The following PWWP3B variants were observed in gnomAD, a reference collection of about 807,000 sequenced individuals.
The protein encoded by PWWP3B is PWWP domain-containing DNA repair factor 3B.
Under a neutral mutation model 15.7 loss-of-function variants are expected in PWWP3B, and 5 were observed. The ratio of observed to expected loss-of-function variants is 0.32; its 90% CI spans 0.17 to 0.67. PWWP3B has a LOEUF of 0.67. PWWP3B is among the 30% of genes least tolerant of loss of function. The pLI is 0.74. For synonymous variants in PWWP3B, 203 were observed against 179.8 expected, an observed-to-expected ratio of 1.13 and a Z score of -1.03; for missense variants, 519 against 493.1, an observed-to-expected ratio of 1.05 and a Z score of -0.50.
chrX:106,192,317 G>C, intron 2 of PWWP3B, among the ~76,000 whole-genome samples: 1 of 111,895 alleles, frequency 8.9e-6, no homozygotes, highest in Non-Finnish European at 1.9e-5. Context: ...AGATTTTCTA[G>C]TTTATTTGCA....
At chrX:106,176,784 A>G (rs1921923163) in intron 2 of PWWP3B, among the ~76,000 whole-genome samples, 2 of 112,117 alleles carry the variant, frequency 1.8e-5, no homozygotes, top group South Asian at 3.7e-4. Flanking sequence ...ACTTTAGTTG[A>G]AAAAAACGAT....
chrX:106,194,854 C>T lies in PWWP3B; in HGVS notation c.-400-9131C>T, dbSNP rs188286181. Among the ~76,000 whole-genome samples the T allele has an allele frequency of 2.7e-3, 299 of 111,686 alleles. 4 individuals are homozygous for T. The highest frequency in any genetic ancestry group is 0.027 in the Admixed American group (281 of 10,576). ...ATCAGCAGCGGTGGCTGCAGAACAG[C>T]GGATATTGGTGAACTGCAGATGCTG... On this transcript the variant is annotated intron_variant, in intron 2 of 3. Coordinates refer to ENST00000357175, the MANE Select transcript of PWWP3B (RefSeq NM_001171020.2).
At chrX:106,187,929 AACTGGGT>A (rs932806690) in intron 2 of PWWP3B, among the ~76,000 whole-genome samples, 2 of 111,818 alleles carry the variant, frequency 1.8e-5, no homozygotes, top group African/African-American at 6.5e-5. Context: ...TTCTGCTTTT[AACTGGGT>A]ACATATTCTT....
intron 2 of PWWP3B, among the ~76,000 whole-genome samples, chrX:106,193,240 A>T (rs1923123702): frequency 9.0e-6 from 1 of 111,468 alleles, no homozygotes; most frequent in African/African-American, 3.3e-5. Flanking sequence ...GGGTGCATAT[A>T]TATTTAGGAT....
At chrX:106,195,322 A>G (rs1334233225) in intron 2 of PWWP3B, among the ~76,000 whole-genome samples, 1 of 111,049 alleles carries the variant, frequency 9.0e-6, no homozygotes, top group African/African-American at 3.3e-5. Flanking sequence ...TTTTCTTTTC[A>G]TGTTATTTTT....
chrX:106,169,524 C>T (rs1174252667), intron 1 of PWWP3B, among the ~76,000 whole-genome samples: 1 of 111,344 alleles, frequency 9.0e-6, no homozygotes, highest in Admixed American at 9.6e-5. Context: ...ACACACATTC[C>T]ATTGTCTTTA....
chrX:106,178,924 G>A (rs1339964330), intron 2 of PWWP3B, among the ~76,000 whole-genome samples: 2 of 111,155 alleles, frequency 1.8e-5, no homozygotes, highest in Non-Finnish European at 3.8e-5. Flanking sequence ...CATTTTTTAC[G>A]TAATGCATAA....
rs1232016677 is a variant in PWWP3B at position 106,205,289 on chromosome X, C to T, written c.-144C>T. 1.9e-6 allele frequency: 1 copy of T among 520,998 alleles called. No individual in the cohort carries two copies. The highest frequency in any genetic ancestry group is 2.4e-5 in the African/African-American group (1 of 41,966). 42.9% of individuals were successfully genotyped at this position (520,998 alleles called of 1,213,427 possible). Reference sequence around the variant, plus strand: ...TGGAAAATTGAGGTGGAGAACAGGCCACACAAGCTGTAAACCCTTTGTAGT... The same window carrying T: ...TGGAAAATTGAGGTGGAGAACAGGCTACACAAGCTGTAAACCCTTTGTAGT... On this transcript the variant is annotated 5_prime_UTR_variant, in exon 4 of 4. Transcript: ENST00000357175.
chrX:106,188,426 ATATG>A (rs201844047), intron 2 of PWWP3B, among the ~76,000 whole-genome samples: 2,830 of 111,993 alleles, frequency 0.025, 96 homozygotes, highest in African/African-American at 0.087. Flanking sequence ...CAAAATCCCT[ATATG>A]TATGTATCCG....
intron 2 of PWWP3B, among the ~76,000 whole-genome samples, chrX:106,182,237 GGTA>G (rs1922249976): frequency 8.9e-6 from 1 of 111,779 alleles, no homozygotes; most frequent in Non-Finnish European, 1.9e-5. Context: ...GAGAGTGTGT[GGTA>G]GTAGGATAAT....
intron 2 of PWWP3B, among the ~76,000 whole-genome samples, chrX:106,178,075 C>T (rs1921994914): frequency 8.9e-6 from 1 of 111,790 alleles, no homozygotes; most frequent in Non-Finnish European, 1.9e-5. Context: ...CTCCCATACT[C>T]CCTTGTCTTT....
At position 106,205,841 on chromosome X, in the gene PWWP3B, G is replaced by C; in HGVS notation, c.409G>C (p.Asp137His). ...DSPPHKKYRK[D>H]EGDLPGCLEE... ...ACCCCCTCATAAAAAATACCGGAAG[G>C]ATGAAGGTGACTTACCAGGGTGTCT... is the stretch of plus-strand genomic sequence containing the variant. The change falls in exon 4 of 4, where the codon GAT becomes CAT. Residue 137 changes from aspartate to histidine, a missense_variant. Asp to His is a moderately conservative substitution (Grantham distance 81, BLOSUM62 -1). Transcript: ENST00000357175. 8.3e-7 allele frequency: 1 copy of C among 1,211,503 alleles called. No homozygotes were observed. Among genetic ancestry groups the C allele is most frequent in the South Asian group, 1.8e-5 (1 of 56,946 alleles).
intron 2 of PWWP3B, among the ~76,000 whole-genome samples, chrX:106,186,379 C>T (rs1348779356): frequency 9.0e-6 from 1 of 111,418 alleles, no homozygotes; most frequent in South Asian, 3.8e-4. Context: ...TTAGAGAGCC[C>T]TTTCCCAAAA....
At chrX:106,189,607 A>ATT (rs1478998383) in intron 2 of PWWP3B, among the ~76,000 whole-genome samples, 4 of 87,615 alleles carry the variant, frequency 4.6e-5, no homozygotes, top group African/African-American at 4.2e-5. Context: ...TATGTGCCAC[A>ATT]TTTTCTTTTT....
chrX:106,175,242 T>TC (rs1921830347), intron 2 of PWWP3B, among the ~76,000 whole-genome samples: 1 of 87,836 alleles, frequency 1.1e-5, no homozygotes, highest in Non-Finnish European at 2.3e-5. Context: ...ATTTCTTTTT[T>TC]TTTTTTTTTT....
chrX:106,171,774 A>C (rs1157983490), intron 2 of PWWP3B, among the ~76,000 whole-genome samples: 1 of 110,219 alleles, frequency 9.1e-6, no homozygotes, highest in African/African-American at 3.3e-5. Flanking sequence ...ACTGAATACT[A>C]TAAGCAGTTG....
intron 3 of PWWP3B, 75 bp downstream of exon 3, chrX:106,204,245 C>T (rs1032921016): frequency 1.2e-4 from 14 of 112,332 alleles, no homozygotes; most frequent in Non-Finnish European, 2.1e-4. Flanking sequence ...TGTATTTTGC[C>T]TCCTGCTCTA....
intron 2 of PWWP3B, among the ~76,000 whole-genome samples, chrX:106,184,397 C>A (rs1475124191): frequency 1.8e-5 from 2 of 111,387 alleles, no homozygotes; most frequent in Non-Finnish European, 1.9e-5. Context: ...TGGTGGACAT[C>A]ATTGAGTAAT....
Position 106,193,864 on chromosome X carries a change from C to T in PWWP3B, c.-400-10121C>T, listed in dbSNP as rs190166027. Among the ~76,000 whole-genome samples, 413 of 111,843 alleles carry T rather than the reference C, an allele frequency of 3.7e-3. 3 individuals are homozygous for T. The highest frequency in any genetic ancestry group is 0.013 in the African/African-American group (385 of 30,717). On this transcript the variant is annotated intron_variant, in intron 2 of 3. Coordinates refer to ENST00000357175, the MANE Select transcript of PWWP3B (RefSeq NM_001171020.2). Reference sequence around the variant, plus strand: ...CTTTTCTTTAAGAATGTTGAATATTCGCCCCCACTCTCTTCTGGCTTGTAG... The same window carrying T: ...CTTTTCTTTAAGAATGTTGAATATTTGCCCCCACTCTCTTCTGGCTTGTAG...
Sources: allele counts gnomAD v4.1 joint callset (sites outside exome capture counted in the v4.1 genomes callset), GRCh38; gene constraint gnomAD v4.1.1; transcripts MANE v1.5; gene names NCBI Gene and HGNC (gene_info 2026-07-23, HGNC 2026-07-21).